NRXN1: variants seen among roughly 807,000 people sequenced by gnomAD.
NRXN1 encodes neurexin-1.
In NRXN1, 39 loss-of-function variants were observed where a neutral mutation model predicts 150.9. That is an observed-to-expected ratio of 0.26 (90% CI 0.20 to 0.34). NRXN1 has a LOEUF of 0.34. NRXN1 is among the 10% of genes least tolerant of loss of function. The probability of loss-of-function intolerance (pLI) is 1.00; values close to 1 mark genes in which losing one functional copy is unlikely to be tolerated. For missense variants in NRXN1, 1,815 were observed against 1,949.9 expected (o/e 0.93, Z 1.30); for synonymous variants, 924 against 757.0 (o/e 1.22, Z -3.62).
chr2:50,815,265 T>C (rs904527429), intron 5 of NRXN1, among the ~76,000 whole-genome samples: 11 of 152,166 alleles, frequency 7.2e-5, no homozygotes, highest in Non-Finnish European at 1.2e-4. Flanking sequence ...CAGAGGTGCA[T>C]TGGACAATGT....
chr2:50,296,461 A>C (rs2073573840), intron 17 of NRXN1, among the ~76,000 whole-genome samples: 1 of 151,966 alleles, frequency 6.6e-6, no homozygotes, highest in Admixed American at 6.6e-5. Context: ...TCACCTGAAT[A>C]GTTCCCAGTG....
intron 17 of NRXN1, among the ~76,000 whole-genome samples, chr2:50,301,015 A>G (rs1425161474): frequency 6.6e-6 from 1 of 152,074 alleles, no homozygotes; most frequent in Admixed American, 6.5e-5. Context: ...TCTTTGACCA[A>G]GCAGATAAGG....
chr2:50,719,613 T>C (rs1314734223), intron 5 of NRXN1, among the ~76,000 whole-genome samples: 1 of 151,770 alleles, frequency 6.6e-6, no homozygotes, highest in African/African-American at 2.4e-5. Flanking sequence ...GAGGCGGAGG[T>C]TGCAGTGAGC....
At chr2:50,476,148 A>C (rs537316014) in intron 15 of NRXN1, among the ~76,000 whole-genome samples, 106 of 152,314 alleles carry the variant, frequency 7.0e-4, no homozygotes, top group Non-Finnish European at 1.5e-5. Flanking sequence ...GAGAACATGT[A>C]CAATACCAAA....
chr2:50,682,379 C>T (rs1303834167), intron 5 of NRXN1, among the ~76,000 whole-genome samples: 1 of 152,094 alleles, frequency 6.6e-6, no homozygotes, highest in Non-Finnish European at 1.5e-5. Context: ...CCCATGTCTT[C>T]TTACTTTTTT....
chr2:50,918,349 T>A (rs1685509007), intron 5 of NRXN1: 1 of 265,110 alleles, frequency 3.8e-6, no homozygotes, highest in Non-Finnish European at 7.1e-6. Flanking sequence ...AAGAAAAATG[T>A]TCTGGAAATA....
At chr2:50,549,254 C>G (rs1173064282) in intron 9 of NRXN1, among the ~76,000 whole-genome samples, 3 of 152,042 alleles carry the variant, frequency 2.0e-5, no homozygotes, top group Non-Finnish European at 2.9e-5. Flanking sequence ...TACTCCATAC[C>G]AAACCAATGC....
intron 19 of NRXN1, among the ~76,000 whole-genome samples, chr2:50,078,123 T>C (rs1363590402): frequency 6.6e-6 from 1 of 152,094 alleles, no homozygotes; most frequent in Non-Finnish European, 1.5e-5. Context: ...TCATTCTGTC[T>C]TAATTAAGAA....
chr2:50,041,365 C>G (rs1274108391), intron 21 of NRXN1, among the ~76,000 whole-genome samples: 1 of 152,126 alleles, frequency 6.6e-6, no homozygotes, highest in African/African-American at 2.4e-5. Context: ...TATACATTTT[C>G]CCTATTTCGA....
chr2:50,901,098 G>C (rs900515003), intron 5 of NRXN1, among the ~76,000 whole-genome samples: 8 of 151,814 alleles, frequency 5.3e-5, no homozygotes, highest in African/African-American at 1.9e-4. Context: ...TGTTGTTTTT[G>C]TTAATGCTTG....
intron 21 of NRXN1, among the ~76,000 whole-genome samples, chr2:49,959,042 G>C (rs1451486023): frequency 1.3e-5 from 2 of 152,190 alleles, no homozygotes; most frequent in Non-Finnish European, 2.9e-5. Context: ...CAAATGCAAA[G>C]TTCTTCGTGA....
intron 19 of NRXN1, among the ~76,000 whole-genome samples, chr2:50,069,539 G>C (rs1573724553): frequency 2.6e-5 from 4 of 152,092 alleles, no homozygotes. Context: ...GAAATATTTG[G>C]CTTGACATGT....
chr2:50,928,912 T>C (rs1424029041), intron 2 of NRXN1, among the ~76,000 whole-genome samples: 1 of 152,076 alleles, frequency 6.6e-6, no homozygotes, highest in Non-Finnish European at 1.5e-5. Context: ...CCTATAAAGA[T>C]CACACTCTTG....
intron 5 of NRXN1, among the ~76,000 whole-genome samples, chr2:50,822,495 T>G (rs78803723): frequency 1.7e-3 from 264 of 152,242 alleles, no homozygotes; most frequent in African/African-American, 6.1e-3. Flanking sequence ...GATCTCACCT[T>G]TGCATAATAT....
intron 18 of NRXN1, among the ~76,000 whole-genome samples, chr2:50,121,987 T>C (rs533749292): frequency 6.6e-6 from 1 of 152,326 alleles, no homozygotes; most frequent in African/African-American, 2.4e-5. Context: ...TCTCCTCATG[T>C]ACAAAAATAT....
chr2:50,252,534 C>T (rs2067227034), intron 17 of NRXN1, among the ~76,000 whole-genome samples: 1 of 152,062 alleles, frequency 6.6e-6, no homozygotes, highest in African/African-American at 2.4e-5. Context: ...GCTGAGATTA[C>T]AGGTGTGAGC....
At chr2:49,933,767 A>G (rs1294644197) in intron 22 of NRXN1, among the ~76,000 whole-genome samples, 1 of 152,228 alleles carries the variant, frequency 6.6e-6, no homozygotes, top group East Asian at 1.9e-4. Context: ...TTTTCTCTAC[A>G]TCTTCCACAC....
chr2:50,180,273 C>T (rs529250379), intron 18 of NRXN1, among the ~76,000 whole-genome samples: 8 of 152,224 alleles, frequency 5.3e-5, no homozygotes, highest in Non-Finnish European at 1.0e-4. Context: ...AATTCTCCTG[C>T]CTCAGCCTCC....
chr2:51,018,078 C>T (rs542206842), intron 2 of NRXN1, among the ~76,000 whole-genome samples: 1 of 152,192 alleles, frequency 6.6e-6, no homozygotes, highest in South Asian at 2.1e-4. Context: ...CTAGCTGTTT[C>T]CATATACGGG....
Sources: allele counts gnomAD v4.1 joint callset (sites outside exome capture counted in the v4.1 genomes callset), GRCh38; gene constraint gnomAD v4.1.1; transcripts MANE v1.5; gene names NCBI Gene and HGNC (gene_info 2026-07-23, HGNC 2026-07-21).